DPP10: variants seen among roughly 807,000 people sequenced by gnomAD.
DPP10 encodes inactive dipeptidyl peptidase 10.
In DPP10, 33 loss-of-function variants were observed where a neutral mutation model predicts 120.9. The observed-to-expected ratio is 0.27, with a 90% confidence interval of 0.21 to 0.37. The LOEUF is 0.37. Among genes scored for constraint, DPP10 ranks in the 10% least tolerant of loss-of-function variants. The pLI, the probability that DPP10 is intolerant of heterozygous loss-of-function variation, is 1.00. For synonymous variants in DPP10, 337 were observed against 326.1 expected (o/e 1.03, Z -0.36); for missense variants, 816 against 942.8 (o/e 0.87, Z 1.76).
chr2:115,025,448 GGTGC>G (rs1451519391), intron 1 of DPP10, among the ~76,000 whole-genome samples: 1 of 151,894 alleles, frequency 6.6e-6, no homozygotes, highest in African/African-American at 2.4e-5. Context: ...TGTTGTGAAT[GGTGC>G]TTCAAAATAC....
At chr2:114,490,338 C>T (rs916356054) in intron 1 of DPP10, among the ~76,000 whole-genome samples, 4 of 152,174 alleles carry the variant, frequency 2.6e-5, no homozygotes, top group Non-Finnish European at 5.9e-5. Flanking sequence ...TAGGCATTTT[C>T]CATTCTACTT....
intron 3 of DPP10, among the ~76,000 whole-genome samples, chr2:115,442,821 A>C (rs1034559722): frequency 1.3e-5 from 2 of 152,192 alleles, no homozygotes; most frequent in Non-Finnish European, 2.9e-5. Context: ...GGGCCTTAAC[A>C]CTTGCCGGAA....
At chr2:115,319,798 G>T (rs2061971486) in intron 2 of DPP10, among the ~76,000 whole-genome samples, 1 of 152,138 alleles carries the variant, frequency 6.6e-6, no homozygotes, top group Non-Finnish European at 1.5e-5. Context: ...GCTGCTCTCT[G>T]CTTCCAAGAT....
chr2:114,574,468 C>A (rs927701983), intron 1 of DPP10, among the ~76,000 whole-genome samples: 4 of 152,154 alleles, frequency 2.6e-5, no homozygotes, highest in Non-Finnish European at 5.9e-5. Context: ...TGTGGACAGG[C>A]CTGCTTGGAG....
At chr2:115,620,572 T>G (rs1172133090) in intron 5 of DPP10, among the ~76,000 whole-genome samples, 1 of 152,200 alleles carries the variant, frequency 6.6e-6, no homozygotes, top group Non-Finnish European at 1.5e-5. Flanking sequence ...TACTAACAGT[T>G]CTGGTTGTGT....
chr2:115,667,464 T>G (rs2089545620), intron 5 of DPP10, among the ~76,000 whole-genome samples: 2 of 152,270 alleles, frequency 1.3e-5, no homozygotes, highest in South Asian at 2.1e-4. Flanking sequence ...TTCCAGGATT[T>G]TTATAGTTTC....
At chr2:115,467,537 A>G (rs2105135181) in intron 3 of DPP10, among the ~76,000 whole-genome samples, 1 of 152,048 alleles carries the variant, frequency 6.6e-6, no homozygotes, top group East Asian at 2.0e-4. Context: ...AGATCACACC[A>G]TTGCACTCCA....
intron 10 of DPP10, among the ~76,000 whole-genome samples, 190 bp downstream of exon 10, chr2:115,746,373 A>G (rs948632674): frequency 2.0e-5 from 3 of 152,204 alleles, no homozygotes; most frequent in Non-Finnish European, 4.4e-5. Context: ...TTTAGCTCCA[A>G]GGTGATTATC....
At chr2:115,161,948 C>T in intron 1 of DPP10, 2 of 1,439,180 alleles carry the variant, frequency 1.4e-6, no homozygotes, top group South Asian at 1.4e-5. Flanking sequence ...CCAGCGCGGG[C>T]CGCCGGCGAT....
At position 115,149,791 on chromosome 2, in the gene DPP10, G is replaced by A. The variant is rs529636914; in HGVS notation, c.61-159448G>A. ...GTTAGCACATAAAAATACAAGCCAC[G>A]TAGTCACCTACTTGGGACATACTTA... On this transcript the variant is annotated intron_variant, in intron 1 of 25. Coordinates refer to ENST00000410059, the MANE Select transcript of DPP10 (RefSeq NM_020868.6). 1.5e-4 allele frequency among the ~76,000 whole-genome samples: 23 copies of A among 152,292 alleles called. 1 individual carries two copies. The South Asian group carries it at 4.8e-3, about 32-fold the overall frequency.
chr2:115,022,759 G>A (rs57893730), intron 1 of DPP10, among the ~76,000 whole-genome samples: 22,555 of 152,092 alleles, frequency 0.15, 1,673 homozygotes, highest in Middle Eastern at 0.18. Context: ...TATACTATAA[G>A]GCCATAGTCA....
intron 5 of DPP10, among the ~76,000 whole-genome samples, chr2:115,659,937 G>C (rs2088771770): frequency 6.6e-6 from 1 of 151,902 alleles, no homozygotes; most frequent in Non-Finnish European, 1.5e-5. Context: ...TTACCACTTT[G>C]TACTCACAAA....
chr2:114,483,713 G>A (rs1235326465), intron 1 of DPP10, among the ~76,000 whole-genome samples: 1 of 152,162 alleles, frequency 6.6e-6, no homozygotes, highest in East Asian at 1.9e-4. Flanking sequence ...CCTGTGGAAT[G>A]CAGTCCTTTT....
intron 3 of DPP10, among the ~76,000 whole-genome samples, chr2:115,393,772 C>A (rs191631774): frequency 2.0e-4 from 30 of 152,266 alleles, no homozygotes; most frequent in East Asian, 1.9e-3. Context: ...CTTGATCTGT[C>A]TAGGGTGGTT....
intron 1 of DPP10, among the ~76,000 whole-genome samples, chr2:114,477,963 A>ATGTACATATG (rs1680660882): frequency 1.3e-5 from 2 of 148,458 alleles, no homozygotes; most frequent in East Asian, 2.0e-4. Flanking sequence ...ATGTGTGTAT[A>ATGTACATATG]TGTATATATG....
intron 1 of DPP10, among the ~76,000 whole-genome samples, chr2:115,066,008 A>G (rs1003788161): frequency 6.6e-6 from 1 of 152,208 alleles, no homozygotes; most frequent in Non-Finnish European, 1.5e-5. Context: ...AGCAATCCTT[A>G]ATTAAAATGG....
intron 1 of DPP10, among the ~76,000 whole-genome samples, chr2:115,200,503 A>G (rs7581057): frequency 0.099 from 15,008 of 152,206 alleles, 979 homozygotes; most frequent in African/African-American, 0.18. Context: ...ACTCTGGTAT[A>G]CTCTTTGGTG....
At chr2:115,491,146 C>A (rs553379932) in intron 3 of DPP10, among the ~76,000 whole-genome samples, 173 of 152,054 alleles carry the variant, frequency 1.1e-3, no homozygotes, top group Admixed American at 1.2e-3. Context: ...CAAACAAAAC[C>A]TCCCCCAAAA....
intron 5 of DPP10, among the ~76,000 whole-genome samples, chr2:115,547,186 C>A (rs2079556906): frequency 6.6e-6 from 1 of 152,096 alleles, no homozygotes; most frequent in Admixed American, 6.6e-5. Flanking sequence ...CTTAAAATTC[C>A]CAGCGAGGTC....
Sources: gnomAD v4.1 joint callset for allele counts (sites outside exome capture counted in the v4.1 genomes callset) on GRCh38, gnomAD v4.1.1 for gene constraint, MANE v1.5 for transcripts, NCBI Gene and HGNC (gene_info 2026-07-23, HGNC 2026-07-21) for gene names.